Variants in PAWR observed in about 807,000 individuals in gnomAD.
PAWR encodes the protein pro-apoptotic WT1 regulator, also known as PRKC apoptosis WT1 regulator protein.
PAWR carries 23 observed loss-of-function variants against 32.0 expected under a neutral mutation model. The ratio of observed to expected loss-of-function variants is 0.72; its 90% CI spans 0.52 to 1.02. The LOEUF (loss-of-function observed/expected upper bound fraction) is 1.02, where lower values mean the gene tolerates loss of function less well. PAWR is among the 50% of genes least tolerant of loss of function. The pLI is 0.00. For missense variants in PAWR, 457 were observed against 437.7 expected, an observed-to-expected ratio of 1.04 and a Z score of -0.39; for synonymous variants, 226 against 187.1, an observed-to-expected ratio of 1.21 and a Z score of -1.70.
At chr12:79,673,838 G>C (rs370911978) in intron 2 of PAWR, among the ~76,000 whole-genome samples, 41 of 152,224 alleles carry the variant, frequency 2.7e-4, no homozygotes, top group African/African-American at 9.1e-4. Context: ...CTAGGAATAA[G>C]CTAACCAGGG....
chr12:79,592,566 A>T lies in PAWR; in HGVS notation c.*41T>A, dbSNP rs1440610661. 1.3e-6 allele frequency: 1 copy of T among 743,754 alleles called. No homozygotes were observed. The highest frequency in any genetic ancestry group is 2.1e-5 in the Admixed American group (1 of 47,972). The allele number at this position is 743,754 out of a possible 1,614,324, so 46.1% of individuals were successfully genotyped here. A position where few individuals can be genotyped will look rare whatever the true frequency, so the allele number is the denominator to read the frequency against. On this transcript the variant is annotated 3_prime_UTR_variant, in exon 7 of 7. Transcript: ENST00000328827. ...TAGCATTGACCATTAACATTCAATC[A>T]GTAGTTTAAAATATTTTTTCCACAT...
chr12:79,614,585 G>C (rs1395445992), intron 3 of PAWR, among the ~76,000 whole-genome samples: 1 of 152,104 alleles, frequency 6.6e-6, no homozygotes, highest in Non-Finnish European at 1.5e-5. Context: ...TGACAGTCTA[G>C]GTTCTCCAAA....
At chr12:79,668,971 C>T (rs1013352723) in intron 2 of PAWR, among the ~76,000 whole-genome samples, 3 of 152,222 alleles carry the variant, frequency 2.0e-5, no homozygotes, top group African/African-American at 7.2e-5. Context: ...CAACTGTGTG[C>T]TGTTATGAAG....
chr12:79,673,105 T>C (rs577535417), intron 2 of PAWR, among the ~76,000 whole-genome samples: 1 of 152,304 alleles, frequency 6.6e-6, no homozygotes, highest in East Asian at 1.9e-4. Context: ...AGTCTTGCTC[T>C]GTCTCCCAGG....
intron 2 of PAWR, among the ~76,000 whole-genome samples, chr12:79,660,429 A>G (rs1333449028): frequency 6.6e-6 from 1 of 152,188 alleles, no homozygotes; most frequent in Non-Finnish European, 1.5e-5. Context: ...GAAGTGTGTT[A>G]TAAGAAGCCT....
chr12:79,644,211 AG>A (rs1255214053), intron 2 of PAWR, among the ~76,000 whole-genome samples: 1 of 152,172 alleles, frequency 6.6e-6, no homozygotes, highest in Non-Finnish European at 1.5e-5. Flanking sequence ...ATCTCATTTC[AG>A]GAGGACAGAA....
chr12:79,684,507 A>T (rs1411443989), intron 2 of PAWR, among the ~76,000 whole-genome samples: 1 of 152,080 alleles, frequency 6.6e-6, no homozygotes, highest in Non-Finnish European at 1.5e-5. Context: ...GCTACTTGGG[A>T]GACTGACGCA....
chr12:79,593,065 A>G (rs1287777362), intron 6 of PAWR, among the ~76,000 whole-genome samples: 1 of 151,812 alleles, frequency 6.6e-6, no homozygotes, highest in Non-Finnish European at 1.5e-5. Context: ...CATGCAAGCC[A>G]TATATGGTAT....
intron 2 of PAWR, among the ~76,000 whole-genome samples, chr12:79,626,536 GGT>G (rs1404960307): frequency 6.6e-6 from 1 of 151,300 alleles, no homozygotes; most frequent in African/African-American, 2.4e-5. Flanking sequence ...TGGGATTACA[GGT>G]GTGAGCCACA....
intron 4 of PAWR, among the ~76,000 whole-genome samples, chr12:79,600,798 G>A (rs752125579): frequency 8.6e-5 from 13 of 151,598 alleles, no homozygotes; most frequent in Non-Finnish European, 2.9e-5. Flanking sequence ...ACACATTTTT[G>A]GGTTACAAAT....
At chr12:79,647,827 T>C (rs1013236601) in intron 2 of PAWR, among the ~76,000 whole-genome samples, 2 of 152,188 alleles carry the variant, frequency 1.3e-5, no homozygotes, top group South Asian at 2.1e-4. Flanking sequence ...ATTCCCAATA[T>C]AGTTTTCTAA....
At chr12:79,607,758 T>C in intron 4 of PAWR, among the ~76,000 whole-genome samples, 1 of 147,176 alleles carries the variant, frequency 6.8e-6, no homozygotes, top group African/African-American at 2.5e-5. Context: ...ATAATAATAA[T>C]AATAATCTGG....
At chr12:79,643,971 T>C (rs142670160) in intron 2 of PAWR, among the ~76,000 whole-genome samples, 6 of 152,260 alleles carry the variant, frequency 3.9e-5, no homozygotes, top group African/African-American at 9.6e-5. Context: ...CTCTATAAAT[T>C]TGCACAAGTT....
intron 4 of PAWR, among the ~76,000 whole-genome samples, chr12:79,601,494 C>T (rs1237678649): frequency 6.6e-6 from 1 of 152,008 alleles, no homozygotes; most frequent in East Asian, 1.9e-4. Flanking sequence ...TCTGAGCTAC[C>T]ACGCCTGGCC....
At chr12:79,684,535 C>T (rs903127937) in intron 2 of PAWR, among the ~76,000 whole-genome samples, 1 of 151,688 alleles carries the variant, frequency 6.6e-6, no homozygotes, top group Non-Finnish European at 1.5e-5. Context: ...TGCTTGAACC[C>T]GGGAGGTGGA....
intron 2 of PAWR, among the ~76,000 whole-genome samples, chr12:79,662,535 A>T (rs1877401407): frequency 6.6e-6 from 1 of 152,210 alleles, no homozygotes; most frequent in African/African-American, 2.4e-5. Flanking sequence ...TTCCATTCAC[A>T]TTCTAGTTCT....
chr12:79,639,026 C>G (rs954387563), intron 2 of PAWR, among the ~76,000 whole-genome samples: 1 of 145,272 alleles, frequency 6.9e-6, no homozygotes, highest in African/African-American at 2.5e-5. Context: ...GATTCTCCTG[C>G]CTCAGCCTCC....
chr12:79,632,323 AT>A, intron 2 of PAWR, among the ~76,000 whole-genome samples: 1 of 28,930 alleles, frequency 3.5e-5, no homozygotes, highest in Non-Finnish European at 5.1e-5. Flanking sequence ...ATATATATAT[AT>A]ATATATATAT....
In PAWR at chr12:79,627,037, C is replaced by A. The variant is rs540064485; in HGVS notation, c.517-5830G>T. On this transcript the variant is annotated intron_variant, in intron 2 of 6. Transcript: ENST00000328827. ...CAAGTCTTTGCTATTGTGAATAGTGCCGCAATAAACATACGTGTGCATGTG... is the reference window on the plus strand; with the variant it reads ...CAAGTCTTTGCTATTGTGAATAGTGACGCAATAAACATACGTGTGCATGTG... Among the ~76,000 whole-genome samples, 9 of 152,236 alleles carry A rather than the reference C, an allele frequency of 5.9e-5. No homozygotes were observed. The South Asian group carries it at 1.0e-3, about 18-fold the overall frequency.
Sources: gnomAD v4.1 joint callset for allele counts (sites outside exome capture counted in the v4.1 genomes callset) on GRCh38, gnomAD v4.1.1 for gene constraint, MANE v1.5 for transcripts, NCBI Gene and HGNC (gene_info 2026-07-23, HGNC 2026-07-21) for gene names.